The following HSPA9 variants were observed in gnomAD, a reference collection of about 807,000 sequenced individuals.
HSPA9 encodes stress-70 protein, mitochondrial.
HSPA9 carries 28 observed loss-of-function variants against 81.5 expected under a neutral mutation model. That is an observed-to-expected ratio of 0.34 (90% CI 0.25 to 0.47). HSPA9 has a LOEUF of 0.47. Ranked by LOEUF, HSPA9 falls within the 20% of genes least tolerant of loss-of-function variation. The probability of loss-of-function intolerance (pLI) is 1.00; values close to 1 mark genes in which losing one functional copy is unlikely to be tolerated. For synonymous variants in HSPA9, 293 were observed against 290.4 expected (o/e 1.01, Z -0.09); for missense variants, 678 against 838.0 (o/e 0.81, Z 2.36).
rs1414979919 is a variant in HSPA9, at chr5:138,557,435, T to C, written c.1695A>G (p.Ala565=). The C allele has an allele frequency of 6.2e-7, 1 of 1,611,010 alleles. No homozygotes were observed. The highest frequency in any genetic ancestry group is 8.5e-7 in the Non-Finnish European group (1 of 1,177,674). The part of the protein sequence containing the change: ...KDDIENMVKN[A]EKYAEEDRRK... ...GCCGGTCTTCTTCAGCATATTTCTCTGCATTTTTAACCATATTTTCAATAT... is the reference window on the plus strand; with the variant it reads ...GCCGGTCTTCTTCAGCATATTTCTCCGCATTTTTAACCATATTTTCAATAT... Residue 565 remains alanine (A), a synonymous_variant, in exon 14 of 17, where the codon GCA becomes GCG. Transcript: ENST00000297185.
Position 138,568,344 on chromosome 5 carries a change from A to G in HSPA9, c.535+581T>C, listed in dbSNP as rs115734935. Among the ~76,000 whole-genome samples the G allele has an allele frequency of 2.3e-3, 353 of 151,628 alleles. 2 individuals are homozygous for G. The highest frequency in any genetic ancestry group is 8.5e-3 in the African/African-American group (350 of 41,268). On this transcript the variant is annotated intron_variant, in intron 5 of 16. Transcript: ENST00000297185. The stretch of plus-strand genomic sequence containing the variant: ...AGAAACCCCCATCTCTTTACTAAAA[A>G]CACAAAAGTGGCTAGGCATGATGGC...
intron 10 of HSPA9, among the ~76,000 whole-genome samples, chr5:138,560,533 T>C (rs1327863617): frequency 1.3e-5 from 2 of 152,076 alleles, no homozygotes; most frequent in African/African-American, 2.4e-5. Context: ...AAAGTTCCAT[T>C]TGAATAGTAT....
At chr5:138,570,239 C>T (rs1750849355) in intron 4 of HSPA9, among the ~76,000 whole-genome samples, 1 of 151,944 alleles carries the variant, frequency 6.6e-6, no homozygotes, top group Admixed American at 6.5e-5. Flanking sequence ...ATTTGGGAGG[C>T]TGGGGTGGAA....
chr5:138,571,819 T>TGC (rs1181822098), intron 3 of HSPA9, among the ~76,000 whole-genome samples: 2 of 148,982 alleles, frequency 1.3e-5, no homozygotes, highest in Admixed American at 1.3e-4. Flanking sequence ...ATTTTGTGTG[T>TGC]GTGTGTGTGT....
chr5:138,559,103 T>TA, intron 11 of HSPA9: 1 of 125,208 alleles, frequency 8.0e-6, no homozygotes, highest in South Asian at 2.5e-4. Context: ...CAGGAAATAA[T>TA]TTTTTTTTTT....
rs1042686 is a variant in HSPA9, at chr5:138,556,533, G to C, written c.1881C>G (p.Ser627Arg). The C allele has an allele frequency of 1.6e-5, 26 of 1,613,732 alleles. No individual in the cohort carries two copies. Among genetic ancestry groups the C allele is most frequent in the Admixed American group, 6.7e-5 (4 of 59,986 alleles). The change falls in exon 16 of 17, where the codon AGC (serine) becomes AGG (arginine). Residue 627 changes from serine to arginine, a missense_variant. Coordinates refer to ENST00000297185, the MANE Select transcript of HSPA9 (RefSeq NM_004134.7). The part of the protein sequence containing the change: ...KMRELLARKD[S>R]ETGENIRQAA... Reference sequence around the variant, plus strand: ...CCTGTCTAATATTTTCTCCTGTTTCGCTGTCTTTTCTAGCCAGGAGCTCCC... The same window carrying C: ...CCTGTCTAATATTTTCTCCTGTTTCCCTGTCTTTTCTAGCCAGGAGCTCCC...
intron 11 of HSPA9, chr5:138,559,589 T>C: frequency 2.4e-6 from 1 of 414,060 alleles, no homozygotes; most frequent in Non-Finnish European, 4.5e-6. Flanking sequence ...ATGACTGAGA[T>C]CCCTTTTAGC....
rs1750492539 is a variant in HSPA9, at chr5:138,555,188, T to A, written c.*849A>T. 6.6e-6 allele frequency: 1 copy of A among 152,166 alleles called. No homozygotes were observed. The highest frequency in any genetic ancestry group is 2.4e-5 in the African/African-American group (1 of 41,436). 9.4% of individuals were successfully genotyped at this position (152,166 alleles called of 1,614,324 possible). A position where few individuals can be genotyped will look rare whatever the true frequency, so the allele number is the denominator to read the frequency against. On this transcript the variant is annotated 3_prime_UTR_variant, in exon 17 of 17. Transcript: ENST00000297185. ...CATGCTGATACTGCTCATTATTTCATTATAACAGCCCTTCCAAATCTTGAA... is the reference window on the plus strand; with the variant it reads ...CATGCTGATACTGCTCATTATTTCAATATAACAGCCCTTCCAAATCTTGAA...
chr5:138,560,545 G>A (rs1284478669), intron 10 of HSPA9, among the ~76,000 whole-genome samples: 9 of 151,088 alleles, frequency 6.0e-5, no homozygotes, highest in East Asian at 2.0e-4. Context: ...GAATAGTATC[G>A]GGGATACTTT....
chr5:138,570,805 A>G, intron 4 of HSPA9, 155 bp downstream of exon 4: 1 of 749,562 alleles, frequency 1.3e-6, no homozygotes, highest in Non-Finnish European at 2.3e-6. Flanking sequence ...TTTTAAAGGG[A>G]TTACCCTTTT....
chr5:138,559,831 C>T (rs753769082), intron 11 of HSPA9, 33 bp downstream of exon 11: 11 of 1,412,994 alleles, frequency 7.8e-6, no homozygotes, highest in Non-Finnish European at 1.1e-5. Context: ...AACCTAAAAC[C>T]CATGTGACAA....
At chr5:138,561,954 T>C (rs559424465) in intron 9 of HSPA9, among the ~76,000 whole-genome samples, 165 bp from the exon 10 acceptor site, 1 of 152,088 alleles carries the variant, frequency 6.6e-6, no homozygotes, top group African/African-American at 2.4e-5. Flanking sequence ...CTTTTTTTTT[T>C]TTTGAGACAG....
At chr5:138,569,461 T>C (rs1001841004) in intron 4 of HSPA9, among the ~76,000 whole-genome samples, 13 of 152,180 alleles carry the variant, frequency 8.5e-5, no homozygotes, top group African/African-American at 2.2e-4. Flanking sequence ...TTATTTCTAA[T>C]AGCCAAAAAG....
chr5:138,570,511 CAG>C (rs990412430), intron 4 of HSPA9, among the ~76,000 whole-genome samples: 3 of 152,082 alleles, frequency 2.0e-5, no homozygotes, highest in East Asian at 3.8e-4. Flanking sequence ...TCTTTTGAGA[CAG>C]AGTCTCAGCA....
chr5:138,560,229 C>A, intron 10 of HSPA9, 138 bp from the exon 11 acceptor site: 1 of 705,974 alleles, frequency 1.4e-6, no homozygotes, highest in Non-Finnish European at 2.6e-6. Flanking sequence ...ATTCAAATAA[C>A]CATTTCGTAC....
At chr5:138,566,768 A>C (rs1307076679) in intron 8 of HSPA9, 50 bp from the exon 9 acceptor site, 20 of 1,372,692 alleles carry the variant, frequency 1.5e-5, no homozygotes, top group Middle Eastern at 1.8e-4. Context: ...GTGAGGTGAT[A>C]AATAAACTGC....
chr5:138,556,501 G>A lies in HSPA9; in HGVS notation c.1913C>T (p.Ser638Phe). The stretch of plus-strand genomic sequence containing the variant: ...CTTCAGTGATGCCTGCTGAAGAGAG[G>A]ATGCTGCCTGTCTAATATTTTCTCC... ...ETGENIRQAASSLQQASLKLF... is the reference protein window; with the variant it reads ...ETGENIRQAAFSLQQASLKLF... Residue 638 changes from serine to phenylalanine, a missense_variant, in exon 16 of 17, where the codon TCC becomes TTC. This residue lies in a region of HSPA9 where 100 missense variants were observed against 99.5 expected (regional missense o/e 1.00). Transcript: ENST00000297185. 6.2e-7 allele frequency: 1 copy of A among 1,614,058 alleles called. No homozygotes were observed. Among genetic ancestry groups the A allele is most frequent in the Non-Finnish European group, 8.5e-7 (1 of 1,179,978 alleles).
In HSPA9 at chr5:138,575,250, G is replaced by A. The variant is rs905791511; in HGVS notation, c.69C>T (p.Ala23=). Residue 23 remains alanine (A), a synonymous_variant, in exon 1 of 17, where the codon GCC becomes GCT. Transcript: ENST00000297185. ...CCCAGTTCCTCACCTGGTGGCGGGC[G>A]GCCGTAGGGCCCCGGGAGGCTGCGG... ...VGAAASRGPT[A]ARHQDSWNGL... The A allele has an allele frequency of 6.2e-7, 1 of 1,605,064 alleles. No homozygotes were observed. Among genetic ancestry groups the A allele is most frequent in the Non-Finnish European group, 8.5e-7 (1 of 1,176,664 alleles).
chr5:138,570,863 G>A (rs573124060), intron 4 of HSPA9, 97 bp downstream of exon 4: 3 of 1,044,660 alleles, frequency 2.9e-6, no homozygotes, highest in East Asian at 2.4e-5. Flanking sequence ...AATTACTAAA[G>A]TAAGGTGCTC....
Sources: gnomAD v4.1 joint callset for allele counts (sites outside exome capture counted in the v4.1 genomes callset) on GRCh38, gnomAD v4.1.1 for gene constraint, gnomAD v4.1.1 regional missense constraint, MANE v1.5 for transcripts, NCBI Gene and HGNC (gene_info 2026-07-23, HGNC 2026-07-21) for gene names.